The following PGBD2 variants were observed in gnomAD, a reference collection of about 807,000 sequenced individuals.
PGBD2 encodes the protein piggyBac transposable element derived 2, also known as piggyBac transposable element-derived protein 2.
Under a neutral mutation model 8.1 loss-of-function variants are expected in PGBD2, and 6 were observed. The ratio of observed to expected loss-of-function variants is 0.74; its 90% confidence interval spans 0.40 to 1.46. The LOEUF is 1.46. PGBD2 is among the 40% of genes most tolerant of loss of function. The probability of loss-of-function intolerance (pLI) is 0.02; values close to 1 mark genes in which losing one functional copy is unlikely to be tolerated. For missense variants in PGBD2, 802 were observed against 739.0 expected (o/e 1.09, Z -0.99); for synonymous variants, 318 against 272.2 (o/e 1.17, Z -1.66).
chr1:248,927,287 C>T, the PGBD2 span, among the ~76,000 whole-genome samples: 3 of 152,252 alleles, frequency 2.0e-5, no homozygotes, highest in African/African-American at 7.2e-5. Flanking sequence ...GATTCTCGCA[C>T]ATCTGGGAAG....
chr1:248,887,367 G>A, the PGBD2 span, among the ~76,000 whole-genome samples: 18 of 152,196 alleles, frequency 1.2e-4, no homozygotes, highest in East Asian at 3.1e-3. Context: ...TGACCTGGAC[G>A]CTTTTTAGGA....
the PGBD2 span, among the ~76,000 whole-genome samples, chr1:248,892,963 A>C: frequency 2.0e-5 from 3 of 152,204 alleles, no homozygotes; most frequent in Non-Finnish European, 2.9e-5. Context: ...TTGCTTGGAA[A>C]ACTAAGCACT....
chr1:248,906,833 G>A (rs1278850360), intron 1 of PGBD2, among the ~76,000 whole-genome samples: 2 of 151,798 alleles, frequency 1.3e-5, no homozygotes, highest in African/African-American at 2.4e-5. Context: ...GTCTTTGTTT[G>A]CCCTTCTTTC....
chr1:248,878,151 G>A, the PGBD2 span, among the ~76,000 whole-genome samples: 1 of 151,440 alleles, frequency 6.6e-6, no homozygotes, highest in Non-Finnish European at 1.5e-5. Context: ...TCACCTTTGA[G>A]TTACACTATT....
At chr1:248,892,247 C>CTCCG in the PGBD2 span, among the ~76,000 whole-genome samples, 1 of 119,052 alleles carries the variant, frequency 8.4e-6, no homozygotes, top group Non-Finnish European at 1.7e-5. Context: ...CCTTCCTTCC[C>CTCCG]TCCCTCCCTC....
upstream of PGBD2, among the ~76,000 whole-genome samples, chr1:248,904,231 C>G (rs953267250): frequency 6.6e-6 from 1 of 151,924 alleles, no homozygotes; most frequent in Non-Finnish European, 1.5e-5. Flanking sequence ...AATTAAAGAA[C>G]TTCAAAATAT....
At chr1:248,896,068 C>A in the PGBD2 span, among the ~76,000 whole-genome samples, 1 of 152,094 alleles carries the variant, frequency 6.6e-6, no homozygotes, top group Admixed American at 6.6e-5. Context: ...CATTCTTATG[C>A]CTTTGCATCC....
the PGBD2 span, among the ~76,000 whole-genome samples, chr1:248,927,348 A>AT: frequency 6.6e-6 from 1 of 152,318 alleles, no homozygotes; most frequent in South Asian, 2.1e-4. Flanking sequence ...AGGAGCAGAA[A>AT]TAATAGATGA....
chr1:248,916,218 CCTGA>C (rs1662091229), intron 2 of PGBD2, among the ~76,000 whole-genome samples: 3 of 152,056 alleles, frequency 2.0e-5, no homozygotes, highest in South Asian at 4.1e-4. Context: ...TCCATACCAT[CCTGA>C]CTAACACGGT....
chr1:248,918,329 A>C lies in PGBD2; in HGVS notation c.1745A>C (p.His582Pro), dbSNP rs771419340. ...TRCEKCQKGVHAKCFREYHIR is the reference protein window; with the variant it reads ...TRCEKCQKGVPAKCFREYHIR The stretch of plus-strand genomic sequence containing the variant: ...TGTGAGAAGTGCCAGAAGGGTGTCC[A>C]TGCCAAATGCTTCAGGGAGTACCAC... Residue 582 changes from histidine (H) to proline (P), a missense_variant, in exon 3 of 3, where the codon CAT (histidine) becomes CCT (proline). By Grantham distance (77) the His-to-Pro change is moderately conservative (BLOSUM62 -2). Coordinates refer to ENST00000329291, the MANE Select transcript of PGBD2 (RefSeq NM_170725.3). 2 of 1,571,652 alleles carry C rather than the reference A, an allele frequency of 1.3e-6. No individual in the cohort carries two copies. The highest frequency in any genetic ancestry group is 2.7e-5 in the African/African-American group (2 of 73,926).
At chr1:248,887,588 G>A in the PGBD2 span, among the ~76,000 whole-genome samples, 2 of 152,186 alleles carry the variant, frequency 1.3e-5, no homozygotes, top group Non-Finnish European at 2.9e-5. Context: ...TCAGTTAGGA[G>A]ATGATGGGAG....
the PGBD2 span, among the ~76,000 whole-genome samples, chr1:248,897,323 C>G: frequency 1.8e-3 from 258 of 145,110 alleles, 3 homozygotes; most frequent in African/African-American, 6.4e-3. Flanking sequence ...CCCGTGCCAG[C>G]CGATGGAAAC....
chr1:248,899,283 A>G, the PGBD2 span, among the ~76,000 whole-genome samples: 2 of 152,182 alleles, frequency 1.3e-5, no homozygotes, highest in African/African-American at 4.8e-5. Context: ...CTCTCCACCC[A>G]AATTCAACAG....
chr1:248,907,319 T>C (rs550320013), intron 1 of PGBD2, among the ~76,000 whole-genome samples: 27 of 152,382 alleles, frequency 1.8e-4, no homozygotes, highest in African/African-American at 5.5e-4. Flanking sequence ...TCTTGCCTCC[T>C]GCCATAGGGC....
upstream of PGBD2, among the ~76,000 whole-genome samples, chr1:248,903,274 T>C (rs1381215517): frequency 2.6e-5 from 4 of 152,168 alleles, no homozygotes; most frequent in East Asian, 3.9e-4. Context: ...TCATAGCTCA[T>C]TGAGGTCTCA....
the PGBD2 span, among the ~76,000 whole-genome samples, chr1:248,878,498 A>G: frequency 4.6e-5 from 7 of 152,174 alleles, no homozygotes; most frequent in Non-Finnish European, 1.0e-4. Flanking sequence ...ATGACCATAA[A>G]GGCAGTTGAT....
intron 1 of PGBD2, among the ~76,000 whole-genome samples, chr1:248,907,267 C>T (rs1291213660): frequency 6.6e-6 from 1 of 152,246 alleles, no homozygotes; most frequent in Non-Finnish European, 1.5e-5. Context: ...CCAAACATTT[C>T]AGTGGAATAA....
chr1:248,926,790 TC>T, the PGBD2 span, among the ~76,000 whole-genome samples: 1 of 152,256 alleles, frequency 6.6e-6, no homozygotes, highest in South Asian at 2.1e-4. Flanking sequence ...TATCCTATGT[TC>T]CAAAAGCCTA....
the PGBD2 span, among the ~76,000 whole-genome samples, chr1:248,881,426 G>T: frequency 6.6e-6 from 1 of 152,142 alleles, no homozygotes; most frequent in African/African-American, 2.4e-5. Context: ...AACTATTACT[G>T]AACTATTTAG....
Sources: allele counts gnomAD v4.1 joint callset (sites outside exome capture counted in the v4.1 genomes callset), GRCh38; gene constraint gnomAD v4.1.1; transcripts MANE v1.5; gene names NCBI Gene and HGNC (gene_info 2026-07-23, HGNC 2026-07-21).